KIF20B: variants seen among roughly 807,000 people sequenced by gnomAD.
The protein encoded by KIF20B is kinesin family member 20B.
Under a neutral mutation model 232.5 loss-of-function variants are expected in KIF20B, and 188 were observed. The observed-to-expected ratio is 0.81, with a 90% CI of 0.72 to 0.91. The LOEUF (loss-of-function observed/expected upper bound fraction) is 0.91, where lower values mean the gene tolerates loss of function less well. Among genes scored for constraint, KIF20B ranks in the 40% least tolerant of loss-of-function variants. The pLI, the probability that KIF20B is intolerant of heterozygous loss-of-function variation, is 0.00. For synonymous variants in KIF20B, 712 were observed against 683.0 expected, an observed-to-expected ratio of 1.04 and a Z score of -0.66; for missense variants, 2,154 against 2,055.9, an observed-to-expected ratio of 1.05 and a Z score of -0.92.
chr10:89,711,089 GA>G lies in KIF20B; in HGVS notation c.621del (p.Glu207AspfsTer34). ...RSREYLRLSS[E>X]QEKEEIASKS... Reference sequence around the variant, plus strand: ...CAGAGAATACTTAAGGTTATCATCAGAACAAGAGAAAGAAGAAATTGCTAGC... The same window carrying G: ...CAGAGAATACTTAAGGTTATCATCAGACAAGAGAAAGAAGAAATTGCTAGC... On this transcript the variant is annotated frameshift_variant, in exon 6 of 33. Transcript: ENST00000371728. LOFTEE classifies it high-confidence loss of function. 6.3e-7 allele frequency: 1 copy of G among 1,578,420 alleles called. No individual in the cohort carries two copies. The highest frequency in any genetic ancestry group is 8.6e-7 in the Non-Finnish European group (1 of 1,161,242).
chr10:89,762,931 A>G, intron 29 of KIF20B, 96 bp downstream of exon 29: 1 of 878,648 alleles, frequency 1.1e-6, no homozygotes, highest in Non-Finnish European at 1.8e-6. Context: ...TCCTGTTCAT[A>G]GGCACTGCTG....
intron 18 of KIF20B, among the ~76,000 whole-genome samples, chr10:89,730,108 A>T (rs1445529285): frequency 6.6e-6 from 1 of 152,168 alleles, no homozygotes; most frequent in African/African-American, 2.4e-5. Flanking sequence ...TGGGCATTTG[A>T]TACCACAGGG....
At chr10:89,723,203 G>A (rs1329334228) in intron 13 of KIF20B, among the ~76,000 whole-genome samples, 2 of 152,170 alleles carry the variant, frequency 1.3e-5, no homozygotes, top group Non-Finnish European at 2.9e-5. Context: ...TGAGACATTG[G>A]AAGATCTGTA....
intron 26 of KIF20B, among the ~76,000 whole-genome samples, chr10:89,755,927 A>G (rs41524248): frequency 0.044 from 6,655 of 152,244 alleles, 196 homozygotes; most frequent in Middle Eastern, 0.082. Context: ...CAATAAGGTA[A>G]GGACAGTTTT....
In KIF20B at chr10:89,752,568, A is replaced by G; in HGVS notation, c.4224A>G (p.Glu1408=). The G allele has an allele frequency of 6.3e-7, 1 of 1,595,702 alleles. No individual in the cohort carries two copies. The change falls in exon 25 of 33, where the codon GAA becomes GAG. Residue 1408 remains glutamate, a splice_region_variant and synonymous_variant. Coordinates refer to ENST00000371728, the MANE Select transcript of KIF20B (RefSeq NM_001284259.2). The part of the protein sequence containing the change: ...KLEEVERLAT[E]LEKWKEKCND... ...CATAATTTTATGTCTTCAAATCAGAATTGGAAAAATGGAAGGAAAAATGCA... is the reference window on the plus strand; with the variant it reads ...CATAATTTTATGTCTTCAAATCAGAGTTGGAAAAATGGAAGGAAAAATGCA...
intron 1 of KIF20B, among the ~76,000 whole-genome samples, chr10:89,702,354 C>G (rs1426546210): frequency 6.6e-6 from 1 of 152,216 alleles, no homozygotes; most frequent in Non-Finnish European, 1.5e-5. Flanking sequence ...AAGGCTTTCT[C>G]CATCTCGATT....
At chr10:89,757,480 A>G (rs771865144) in intron 26 of KIF20B, among the ~76,000 whole-genome samples, 2 of 151,874 alleles carry the variant, frequency 1.3e-5, no homozygotes, top group Admixed American at 6.6e-5. Flanking sequence ...ATAAATTATT[A>G]TTGTAGATAT....
At chr10:89,728,571 G>A (rs1843241433) in intron 17 of KIF20B, among the ~76,000 whole-genome samples, 1 of 151,646 alleles carries the variant, frequency 6.6e-6, no homozygotes, top group Non-Finnish European at 1.5e-5. Flanking sequence ...GAGTGCAGTG[G>A]CATGGCTCAC....
At position 89,726,161 on chromosome 10, in the gene KIF20B, A is replaced by G. The variant is rs200762117; in HGVS notation, c.2002-132A>G. ...GTTTTTCATAATTGGAGTTGCTTCT[A>G]TATAATTTATTTTAAAGAATTTCAA... is the stretch of plus-strand genomic sequence containing the variant. On this transcript the variant is annotated intron_variant, in intron 15 of 32. Transcript: ENST00000371728. 1.4e-4 allele frequency: 171 copies of G among 1,211,178 alleles called. No individual in the cohort carries two copies. In the East Asian group the frequency reaches 4.6e-3, roughly 33 times the overall value. The allele number at this position is 1,211,178 out of a possible 1,614,324, so 75.0% of individuals were successfully genotyped here.
intron 13 of KIF20B, among the ~76,000 whole-genome samples, chr10:89,722,485 C>T (rs1404518216): frequency 3.3e-5 from 5 of 152,014 alleles, no homozygotes; most frequent in Admixed American, 2.6e-4. Context: ...CTGGCTAACA[C>T]GGTGAAACCC....
In KIF20B at chr10:89,717,683, G is replaced by T; in HGVS notation, c.1232G>T (p.Gly411Val). Residue 411 changes from glycine to valine, a missense_variant, in exon 11 of 33, where the codon GGA becomes GTA. By Grantham distance (109) the Gly-to-Val change is moderately radical. Coordinates refer to ENST00000371728, the MANE Select transcript of KIF20B (RefSeq NM_001284259.2). ...ATCAACACTTCTTTATTGACTCTGGGAAAGTGTATTAACGTCTTGAAGAAT... is the reference window on the plus strand; with the variant it reads ...ATCAACACTTCTTTATTGACTCTGGTAAAGTGTATTAACGTCTTGAAGAAT... ...GNINTSLLTL[G>V]KCINVLKNSE... The T allele has an allele frequency of 6.2e-7, 1 of 1,608,826 alleles. No individual in the cohort carries two copies. The highest frequency in any genetic ancestry group is 2.2e-5 in the East Asian group (1 of 44,688).
At chr10:89,755,041 G>T (rs144510573) in intron 26 of KIF20B, among the ~76,000 whole-genome samples, 2 of 152,124 alleles carry the variant, frequency 1.3e-5, no homozygotes, top group Admixed American at 6.5e-5. Flanking sequence ...CACCTAAATA[G>T]TTTGTAAAAG....
In KIF20B at chr10:89,717,664, ACTT is replaced by A. The variant is rs1842962483; in HGVS notation, c.1217_1219del (p.Ser406del). The stretch of plus-strand genomic sequence containing the variant: ...GTTAAGAGAGACTGGGAATATCAAC[ACTT>A]CTTTATTGACTCTGGGAAAGTGTAT... On this transcript the variant is annotated inframe_deletion, in exon 11 of 33. Transcript: ENST00000371728. 1 of 1,610,024 alleles carries A rather than the reference ACTT, an allele frequency of 6.2e-7. No homozygotes were observed. Among genetic ancestry groups the A allele is most frequent in the South Asian group, 1.1e-5 (1 of 90,644 alleles).
chr10:89,718,861 A>G lies in KIF20B; in HGVS notation c.1423A>G (p.Ile475Val), dbSNP rs371014201. The G allele has an allele frequency of 2.6e-6, 4 of 1,542,614 alleles. No homozygotes were observed. Among genetic ancestry groups the G allele is most frequent in the East Asian group, 2.3e-5 (1 of 43,130 alleles). ...ETLNVLKFSA[I>V]AQKVCVPDTL... The stretch of plus-strand genomic sequence containing the variant: ...ACTCAATGTATTGAAGTTCTCCGCC[A>G]TTGCACAAAAAGTAAATATTTATTT... Residue 475 changes from isoleucine to valine, a missense_variant, in exon 12 of 33, where the codon ATT becomes GTT. Coordinates refer to ENST00000371728, the MANE Select transcript of KIF20B (RefSeq NM_001284259.2).
chr10:89,728,985 G>A, intron 17 of KIF20B, 143 bp from the exon 18 acceptor site: 1 of 655,074 alleles, frequency 1.5e-6, no homozygotes, highest in South Asian at 2.5e-5. Context: ...AGATCATGCT[G>A]TGCATAGTGT....
chr10:89,772,856 C>G, intron 32 of KIF20B, 25 bp downstream of exon 32: 2 of 1,560,542 alleles, frequency 1.3e-6, no homozygotes, highest in South Asian at 2.5e-5. Flanking sequence ...CTGTTTTCAT[C>G]AATGTAGAAC....
chr10:89,762,539 A>G, intron 28 of KIF20B, 99 bp from the exon 29 acceptor site: 1 of 836,730 alleles, frequency 1.2e-6, no homozygotes, highest in Non-Finnish European at 1.9e-6. Flanking sequence ...TGTCTTTCCC[A>G]ATGCATTGTC....
In KIF20B at chr10:89,762,688, A is replaced by C. The variant is rs1424629660; in HGVS notation, c.4842A>C (p.Gln1614His). 6.8e-6 allele frequency: 11 copies of C among 1,613,662 alleles called. No homozygotes were observed. The highest frequency in any genetic ancestry group is 9.3e-6 in the Non-Finnish European group (11 of 1,179,738). The change falls in exon 29 of 33, where the codon CAA (glutamine) becomes CAC (histidine). Residue 1614 changes from glutamine (Q) to histidine (H), a missense_variant. Transcript: ENST00000371728. ...GTGAAGTGTCAACAGAAAATGATCAAAGCACTCGATTTCCAAAACCTGAGT... is the reference window on the plus strand; with the variant it reads ...GTGAAGTGTCAACAGAAAATGATCACAGCACTCGATTTCCAAAACCTGAGT... ...DSCEVSTEND[Q>H]STRFPKPELE...
At position 89,737,263 on chromosome 10, in the gene KIF20B, ATTTTTT is replaced by A; in HGVS notation, c.2546-117_2546-112del. On this transcript the variant is annotated intron_variant, in intron 19 of 32. Transcript: ENST00000371728. ...TCTTTTTTTCTCAACAGCTTATTTC[ATTTTTT>A]TTTTTTAATTAGAAGTTTACTTTTA... 4.5e-6 allele frequency: 4 copies of A among 888,022 alleles called. No individual in the cohort carries two copies. In the Admixed American group the frequency reaches 1.8e-4, roughly 39 times the overall value. 55.0% of individuals were successfully genotyped at this position (888,022 alleles called of 1,614,324 possible).
Sources: allele counts gnomAD v4.1 joint callset (sites outside exome capture counted in the v4.1 genomes callset), GRCh38; gene constraint gnomAD v4.1.1; transcripts MANE v1.5; gene names NCBI Gene and HGNC (gene_info 2026-07-23, HGNC 2026-07-21).